MMACHC: variants seen among roughly 807,000 people sequenced by gnomAD.
MMACHC encodes the protein metabolism of cobalamin associated C.
In MMACHC, 14 loss-of-function variants were observed where a neutral mutation model predicts 17.6. The observed-to-expected ratio is 0.80, with a 90% confidence interval of 0.53 to 1.25. The LOEUF (loss-of-function observed/expected upper bound fraction) is 1.25, where lower values mean the gene tolerates loss of function less well. Ranked by LOEUF, MMACHC falls within the 50% of genes most tolerant of loss-of-function variation. The probability of loss-of-function intolerance (pLI) is 0.00; values close to 1 mark genes in which losing one functional copy is unlikely to be tolerated. For missense variants in MMACHC, 392 were observed against 364.5 expected (o/e 1.08, Z -0.62); for synonymous variants, 151 against 142.1 (o/e 1.06, Z -0.45).
intron 1 of MMACHC, among the ~76,000 whole-genome samples, chr1:45,504,988 G>A (rs573929181): frequency 2.6e-5 from 4 of 151,706 alleles, no homozygotes; most frequent in East Asian, 1.9e-4. Flanking sequence ...GGTAGCACAC[G>A]CCTGTTAATC....
In MMACHC at chr1:45,509,379, G is replaced by C; in HGVS notation, c.*164G>C. The C allele has an allele frequency of 5.2e-6, 4 of 767,500 alleles. No homozygotes were observed. The highest frequency in any genetic ancestry group is 8.1e-6 in the Non-Finnish European group (4 of 494,722). The allele number at this position is 767,500 out of a possible 1,614,324, so 47.5% of individuals were successfully genotyped here. ...GGAAGTTAGGTTTGGCCAAGATAAA[G>C]GCCAGGGAACCAGAATTCCCATCTG... On this transcript the variant is annotated 3_prime_UTR_variant, in exon 4 of 4. Coordinates refer to ENST00000401061, the MANE Select transcript of MMACHC (RefSeq NM_015506.3).
intron 3 of MMACHC, 30 bp from the exon 4 acceptor site, chr1:45,508,766 T>A (rs778884830): frequency 6.2e-7 from 1 of 1,606,744 alleles, no homozygotes; most frequent in African/African-American, 1.3e-5. Flanking sequence ...GGGACCTCCA[T>A]GACCTTGCTT....
chr1:45,509,280 C>G lies in MMACHC; in HGVS notation c.*65C>G. On this transcript the variant is annotated 3_prime_UTR_variant, in exon 4 of 4. Transcript: ENST00000401061. ...TAGGACTTAATTGGCTTTGGCAAAG[C>G]AAAAGGTTTTGAGTACAAGATTACT... 6.3e-7 allele frequency: 1 copy of G among 1,578,610 alleles called. No individual in the cohort carries two copies. The highest frequency in any genetic ancestry group is 8.7e-7 in the Non-Finnish European group (1 of 1,148,936).
At chr1:45,506,556 G>C (rs1643622749) in intron 1 of MMACHC, among the ~76,000 whole-genome samples, 1 of 151,978 alleles carries the variant, frequency 6.6e-6, no homozygotes, top group African/African-American at 2.4e-5. Context: ...GCACGATCTT[G>C]TCTCATTGCA....
rs150453039 is a variant in MMACHC, at chr1:45,509,400, A to T, written c.*185A>T. On this transcript the variant is annotated 3_prime_UTR_variant, in exon 4 of 4. Transcript: ENST00000401061. Reference sequence around the variant, plus strand: ...TAAAGGCCAGGGAACCAGAATTCCCATCTGCCTTCAAATGAGTTTTTTTTT... The same window carrying T: ...TAAAGGCCAGGGAACCAGAATTCCCTTCTGCCTTCAAATGAGTTTTTTTTT... 82 of 582,660 alleles carry T rather than the reference A, an allele frequency of 1.4e-4. No homozygotes were observed. In the East Asian group the frequency reaches 2.5e-3, roughly 18 times the overall value. 36.1% of individuals were successfully genotyped at this position (582,660 alleles called of 1,614,324 possible).
In MMACHC at chr1:45,511,225, G is replaced by T; in HGVS notation, c.*2010G>T. On this transcript the variant is annotated 3_prime_UTR_variant, in exon 4 of 4. Transcript: ENST00000401061. ...CTGCCTTGTAAGACACCACAATTCG[G>T]CTGAATCTGAAGTCTTGTGTTTTAC... 2.0e-6 allele frequency: 2 copies of T among 980,002 alleles called. No individual in the cohort carries two copies. Among genetic ancestry groups the T allele is most frequent in the Non-Finnish European group, 3.0e-6 (2 of 659,034 alleles). 60.7% of individuals were successfully genotyped at this position (980,002 alleles called of 1,614,324 possible).
chr1:45,507,306 C>G (rs767492355), intron 1 of MMACHC, 50 bp from the exon 2 acceptor site: 2 of 1,585,822 alleles, frequency 1.3e-6, no homozygotes, highest in Non-Finnish European at 1.7e-6. Flanking sequence ...GTGGGCCAGG[C>G]TGAGGCCTAG....
chr1:45,503,489 G>A (rs1438098293), intron 1 of MMACHC, among the ~76,000 whole-genome samples: 1 of 132,898 alleles, frequency 7.5e-6, no homozygotes, highest in Non-Finnish European at 1.5e-5. Context: ...CGGCTGGAGT[G>A]CAATGGCACC....
In MMACHC at chr1:45,500,473, G is replaced by T. The variant is rs193186699; in HGVS notation, c.81+60G>T. On this transcript the variant is annotated intron_variant, in intron 1 of 3. Transcript: ENST00000401061. Reference sequence around the variant, plus strand: ...TATATGATTGGCTTCGTTGCAACTGGCGTGAGGCCTCGGGAGCCTCTGATC... The same window carrying T: ...TATATGATTGGCTTCGTTGCAACTGTCGTGAGGCCTCGGGAGCCTCTGATC... 5.1e-5 allele frequency: 78 copies of T among 1,534,842 alleles called. No individual in the cohort carries two copies. In the African/African-American group the frequency reaches 9.5e-4, roughly 19 times the overall value.
chr1:45,503,102 T>C (rs1291086509), intron 1 of MMACHC, among the ~76,000 whole-genome samples: 1 of 152,190 alleles, frequency 6.6e-6, no homozygotes, highest in African/African-American at 2.4e-5. Context: ...TGGTTCTGCC[T>C]ATTAGAACTT....
Position 45,500,303 on chromosome 1 carries a change from C to G in MMACHC, c.-30C>G, listed in dbSNP as rs1296299460. The stretch of plus-strand genomic sequence containing the variant: ...GCCCAATTGTCCTTGAGACTTCATT[C>G]CCCAGCAAGCTCAGCGTGTAACGTG... On this transcript the variant is annotated 5_prime_UTR_variant, in exon 1 of 4. Coordinates refer to ENST00000401061, the MANE Select transcript of MMACHC (RefSeq NM_015506.3). The G allele has an allele frequency of 6.2e-7, 1 of 1,613,072 alleles. No individual in the cohort carries two copies. The highest frequency in any genetic ancestry group is 2.2e-5 in the East Asian group (1 of 44,890).
chr1:45,500,716 T>G (rs1643528001), intron 1 of MMACHC, among the ~76,000 whole-genome samples: 1 of 151,588 alleles, frequency 6.6e-6, no homozygotes, highest in Non-Finnish European at 1.5e-5. Flanking sequence ...AATATAAAAT[T>G]AGCCGGGCGT....
rs1643737901 is a variant in MMACHC at position 45,511,269 on chromosome 1, C to A, written c.*2054C>A. ...GTTTTACTAATGGAAAAAAAAAATA[C>A]AGAAGAGGTTTTGTTCTCATGGCTG... On this transcript the variant is annotated 3_prime_UTR_variant, in exon 4 of 4. Coordinates refer to ENST00000401061, the MANE Select transcript of MMACHC (RefSeq NM_015506.3). 2.2e-6 allele frequency: 3 copies of A among 1,349,524 alleles called. No homozygotes were observed. The Admixed American group carries it at 7.1e-5, about 32-fold the overall frequency. The allele number at this position is 1,349,524 out of a possible 1,614,324, so 83.6% of individuals were successfully genotyped here. A position where few individuals can be genotyped will look rare whatever the true frequency, so the allele number is the denominator to read the frequency against.
chr1:45,500,865 CAAAAAAAAA>C (rs11374269), intron 1 of MMACHC, among the ~76,000 whole-genome samples: 45 of 86,350 alleles, frequency 5.2e-4, no homozygotes, highest in African/African-American at 1.6e-3. Context: ...AACTCCGTGT[CAAAAAAAAA>C]AAAAAAAAAA....
Position 45,503,987 on chromosome 1 carries a change from C to T in MMACHC, c.82-3369C>T, listed in dbSNP as rs142385942. Among the ~76,000 whole-genome samples, 15 of 152,198 alleles carry T rather than the reference C, an allele frequency of 9.9e-5. No homozygotes were observed. The East Asian group carries it at 1.9e-3, about 20-fold the overall frequency. On this transcript the variant is annotated intron_variant, in intron 1 of 3. Transcript: ENST00000401061. ...TTCAGTGTGTGAATGTGGGTGTAGA[C>T]GGTGTTACAGGTGAATCCAATTTCT...
In MMACHC at chr1:45,512,175, T is replaced by C. The variant is rs1643764392; in HGVS notation, c.*2960T>C. 1 of 135,706 alleles carries C rather than the reference T, an allele frequency of 7.4e-6. No homozygotes were observed. Among genetic ancestry groups the C allele is most frequent in the African/African-American group, 2.7e-5 (1 of 37,042 alleles). 8.4% of individuals were successfully genotyped at this position (135,706 alleles called of 1,614,324 possible). A position where few individuals can be genotyped will look rare whatever the true frequency, so the allele number is the denominator to read the frequency against. On this transcript the variant is annotated 3_prime_UTR_variant, in exon 4 of 4. Coordinates refer to ENST00000401061, the MANE Select transcript of MMACHC (RefSeq NM_015506.3). The stretch of plus-strand genomic sequence containing the variant: ...CCTCCGTCTCACTGCAACCTCGGTC[T>C]CCCGGGTTCAAGCGATTCTCCTGCA...
chr1:45,510,477 C>T lies in MMACHC; in HGVS notation c.*1262C>T, dbSNP rs1446601901. ...TTGGGAGGCTGAGGCGGAGGACCGC[C>T]TGAGGCAAGGAATTCAGAACCACTC... On this transcript the variant is annotated 3_prime_UTR_variant, in exon 4 of 4. Coordinates refer to ENST00000401061, the MANE Select transcript of MMACHC (RefSeq NM_015506.3). 6.6e-6 allele frequency: 1 copy of T among 152,188 alleles called. No homozygotes were observed. The highest frequency in any genetic ancestry group is 2.4e-5 in the African/African-American group (1 of 41,430). The allele number at this position is 152,188 out of a possible 1,614,324, so 9.4% of individuals were successfully genotyped here.
intron 1 of MMACHC, among the ~76,000 whole-genome samples, chr1:45,504,301 A>T (rs1643585477): frequency 6.6e-6 from 1 of 152,118 alleles, no homozygotes; most frequent in South Asian, 2.1e-4. Context: ...CTGTAATCCC[A>T]GCTCCTCGGG....
rs776832359 is a variant in MMACHC, at chr1:45,510,063, TGA to T, written c.*851_*852del. Reference sequence around the variant, plus strand: ...CTGCACTCTAGCCTGGGTGACAGTGTGAGACTCTGTCTCAAAAAAAAAAAAAA... The same window carrying T: ...CTGCACTCTAGCCTGGGTGACAGTGTGACTCTGTCTCAAAAAAAAAAAAAA... On this transcript the variant is annotated 3_prime_UTR_variant, in exon 4 of 4. Transcript: ENST00000401061. 1 of 69,638 alleles carries T rather than the reference TGA, an allele frequency of 1.4e-5. No individual in the cohort carries two copies. Among genetic ancestry groups the T allele is most frequent in the Non-Finnish European group, 2.8e-5 (1 of 36,030 alleles). The allele number at this position is 69,638 out of a possible 1,614,324, so 4.3% of individuals were successfully genotyped here. A position where few individuals can be genotyped will look rare whatever the true frequency, so the allele number is the denominator to read the frequency against.
Sources: allele counts gnomAD v4.1 joint callset (sites outside exome capture counted in the v4.1 genomes callset), GRCh38; gene constraint gnomAD v4.1.1; transcripts MANE v1.5; gene names NCBI Gene and HGNC (gene_info 2026-07-23, HGNC 2026-07-21).